The following CAMK2B variants were observed in gnomAD, a reference collection of about 807,000 sequenced individuals.
CAMK2B encodes the protein calcium/calmodulin dependent protein kinase II beta, also known as calcium/calmodulin-dependent protein kinase type II subunit beta.
A neutral mutation model predicts 93.7 loss-of-function variants in CAMK2B; 27 were observed. That is an observed-to-expected ratio of 0.29 (90% confidence interval 0.21 to 0.40). The LOEUF (loss-of-function observed/expected upper bound fraction) is 0.40, where lower values mean the gene tolerates loss of function less well. CAMK2B is among the 10% of genes least tolerant of loss of function. CAMK2B has a pLI of 1.00. For synonymous variants in CAMK2B, 374 were observed against 358.8 expected (o/e 1.04, Z -0.48); for missense variants, 568 against 895.8 (o/e 0.63, Z 4.67).
At chr7:44,257,537 T>C (rs1194713552) in intron 4 of CAMK2B, among the ~76,000 whole-genome samples, 2 of 152,212 alleles carry the variant, frequency 1.3e-5, no homozygotes, top group East Asian at 1.9e-4. Context: ...ACAGTCTCCA[T>C]TTCCTGGGAA....
chr7:44,245,554 C>A (rs948776766), intron 6 of CAMK2B, among the ~76,000 whole-genome samples: 7 of 152,272 alleles, frequency 4.6e-5, no homozygotes, highest in South Asian at 2.1e-4. Flanking sequence ...TGGCCCCTCA[C>A]AGGAGAGCCA....
chr7:44,270,129 C>T (rs2096960733), intron 2 of CAMK2B, among the ~76,000 whole-genome samples: 1 of 152,004 alleles, frequency 6.6e-6, no homozygotes, highest in East Asian at 1.9e-4. Context: ...TGCCAGACCC[C>T]CCATGGGCCC....
Position 44,226,548 on chromosome 7 carries a change from G to A in CAMK2B, c.1565C>T (p.Ser522Phe), listed in dbSNP as rs771967423. Residue 522 changes from serine to phenylalanine, a missense_variant, in exon 20 of 24, where the codon TCT becomes TTT. This residue lies in a region of CAMK2B where 308 missense variants were observed against 292.1 expected (regional missense o/e 1.05). Coordinates refer to ENST00000395749, the MANE Select transcript of CAMK2B (RefSeq NM_001220.5). ...PSPVGPPPCP[S>F]PTIPGPLPTP... Reference sequence around the variant, plus strand: ...GGGCAGGGGGCCAGGGATAGTCGGAGATGGGCAGGGCGGGGGCCCCACTGG... The same window carrying A: ...GGGCAGGGGGCCAGGGATAGTCGGAAATGGGCAGGGCGGGGGCCCCACTGG... The A allele has an allele frequency of 1.6e-5, 24 of 1,476,200 alleles. No individual in the cohort carries two copies. The highest frequency in any genetic ancestry group is 1.8e-4 in the Middle Eastern group (1 of 5,580). The allele number at this position is 1,476,200 out of a possible 1,614,324, so 91.4% of individuals were successfully genotyped here. A position where few individuals can be genotyped will look rare whatever the true frequency, so the allele number is the denominator to read the frequency against.
At chr7:44,256,645 G>C (rs907319957) in intron 4 of CAMK2B, among the ~76,000 whole-genome samples, 10 of 152,270 alleles carry the variant, frequency 6.6e-5, no homozygotes, top group Admixed American at 5.9e-4. Context: ...GGCACACACT[G>C]AACACAGATT....
intron 1 of CAMK2B, among the ~76,000 whole-genome samples, chr7:44,313,631 G>A (rs372737509): frequency 3.3e-5 from 5 of 150,666 alleles, no homozygotes; most frequent in Admixed American, 6.7e-5. Context: ...TGGTACAGAC[G>A]GCATCTTCCC....
chr7:44,247,341 C>A, intron 5 of CAMK2B, 149 bp from the exon 6 acceptor site: 1 of 685,624 alleles, frequency 1.5e-6, no homozygotes, highest in Admixed American at 2.1e-5. Flanking sequence ...CCAGGAGGGG[C>A]CTCTGGGGCT....
In CAMK2B at chr7:44,323,060, C is replaced by A. The variant is rs573403159; in HGVS notation, c.65+2297G>T. On this transcript the variant is annotated intron_variant, in intron 1 of 23. Coordinates refer to ENST00000395749, the MANE Select transcript of CAMK2B (RefSeq NM_001220.5). ...GGCCTCAGACATCCCCCTTAGGTGC[C>A]CTGCTCTGCCCTCCCAGCTCCCTGG... is the stretch of plus-strand genomic sequence containing the variant. Among the ~76,000 whole-genome samples, 7 of 152,338 alleles carry A rather than the reference C, an allele frequency of 4.6e-5. No homozygotes were observed. In the South Asian group the frequency reaches 1.5e-3, roughly 32 times the overall value.
At position 44,239,617 on chromosome 7, in the gene CAMK2B, G is replaced by A. The variant is rs1455397408; in HGVS notation, c.993C>T (p.Ser331=). ...GTTCCACCAGCCCCATGGTGGTGCC[G>A]GAGGCCGCGGTGGACATTGTGGCCG... ...TAPATMSTAA[S]GTTMGLVEQA... Residue 331 remains serine, a synonymous_variant, in exon 13 of 24, where the codon TCC becomes TCT. Coordinates refer to ENST00000395749, the MANE Select transcript of CAMK2B (RefSeq NM_001220.5). 5.2e-6 allele frequency: 8 copies of A among 1,550,348 alleles called. No individual in the cohort carries two copies. Among genetic ancestry groups the A allele is most frequent in the Non-Finnish European group, 7.0e-6 (8 of 1,146,904 alleles).
chr7:44,268,569 A>G (rs1392838480), intron 2 of CAMK2B: 3 of 152,316 alleles, frequency 2.0e-5, no homozygotes, highest in African/African-American at 7.2e-5. Flanking sequence ...CTCATGGGGA[A>G]AGACAAGGTC....
At chr7:44,253,370 C>T (rs1005650691) in intron 5 of CAMK2B, among the ~76,000 whole-genome samples, 5 of 151,986 alleles carry the variant, frequency 3.3e-5, no homozygotes, top group African/African-American at 9.7e-5. Flanking sequence ...TGCGCCACCA[C>T]GCCCGGCTAA....
rs199893229 is a variant in CAMK2B, at chr7:44,246,744, TCA to T, written c.414+374_414+375del. On this transcript the variant is annotated intron_variant, in intron 6 of 23. Coordinates refer to ENST00000395749, the MANE Select transcript of CAMK2B (RefSeq NM_001220.5). ...TGTATACACACATGTGCACACACAC[TCA>T]CACAATGCCTCCACCCAGGCATGCA... 4.6e-5 allele frequency among the ~76,000 whole-genome samples: 7 copies of T among 151,876 alleles called. No individual in the cohort carries two copies. The East Asian group carries it at 1.4e-3, about 29-fold the overall frequency.
At chr7:44,310,139 G>C (rs969036891) in intron 1 of CAMK2B, among the ~76,000 whole-genome samples, 14 of 152,252 alleles carry the variant, frequency 9.2e-5, no homozygotes, top group Admixed American at 3.9e-4. Context: ...TTTCCTGCAA[G>C]CTGCGCATCA....
At chr7:44,250,093 A>G (rs1233095983) in intron 5 of CAMK2B, among the ~76,000 whole-genome samples, 1 of 152,200 alleles carries the variant, frequency 6.6e-6, no homozygotes. Context: ...GAGTTGGCTG[A>G]GCAAGCCAGG....
chr7:44,235,575 G>C (rs1303813679), intron 13 of CAMK2B, among the ~76,000 whole-genome samples: 2 of 152,274 alleles, frequency 1.3e-5, no homozygotes, highest in Non-Finnish European at 1.5e-5. Context: ...AGGGAGTGAG[G>C]AAGGAAGAGA....
rs78189074 is a variant in CAMK2B at position 44,323,188 on chromosome 7, C to T, written c.65+2169G>A. 6.9e-3 allele frequency among the ~76,000 whole-genome samples: 1,051 copies of T among 152,322 alleles called. 8 individuals carry two copies. Among genetic ancestry groups the T allele is most frequent in the African/African-American group, 0.023 (959 of 41,570 alleles). ...TAGGCCCTTGGCGTCGCCAGGGACC[C>T]GGCGCCTAGCAGGGCTCCACAAAGG... On this transcript the variant is annotated intron_variant, in intron 1 of 23. Transcript: ENST00000395749.
chr7:44,227,772 A>AGGAGGGTGTGGAGGACAGAGGAGG, intron 19 of CAMK2B, among the ~76,000 whole-genome samples: 2 of 8,596 alleles, frequency 2.3e-4, no homozygotes, highest in African/African-American at 3.4e-3. Context: ...ACAGAGGGAG[A>AGGAGGGTGTGGAGGACAGAGGAGG]GTCTGGGGGA....
intron 5 of CAMK2B, among the ~76,000 whole-genome samples, chr7:44,251,025 T>C (rs1251289745): frequency 2.0e-5 from 3 of 152,222 alleles, no homozygotes; most frequent in African/African-American, 7.2e-5. Flanking sequence ...CTGTTTCTTC[T>C]TGTTCCTTAG....
intron 1 of CAMK2B, among the ~76,000 whole-genome samples, chr7:44,291,820 C>T (rs996843115): frequency 1.3e-5 from 2 of 152,168 alleles, no homozygotes; most frequent in East Asian, 1.9e-4. Context: ...GCACAATTCA[C>T]GTCAGCAGCA....
chr7:44,258,589 G>T (rs984588105), intron 4 of CAMK2B, among the ~76,000 whole-genome samples: 1 of 152,232 alleles, frequency 6.6e-6, no homozygotes, highest in Non-Finnish European at 1.5e-5. Flanking sequence ...CCACCCACCC[G>T]CTGCCTCCAG....
Sources: gnomAD v4.1 joint callset for allele counts (sites outside exome capture counted in the v4.1 genomes callset) on GRCh38, gnomAD v4.1.1 for gene constraint, gnomAD v4.1.1 regional missense constraint, MANE v1.5 for transcripts, NCBI Gene and HGNC (gene_info 2026-07-23, HGNC 2026-07-21) for gene names.